Variants in MCTP1 observed in about 807,000 individuals in gnomAD.
The protein encoded by MCTP1 is multiple C2 and transmembrane domain-containing protein 1.
Under a neutral mutation model 120.6 loss-of-function variants are expected in MCTP1, and 69 were observed. The observed-to-expected ratio is 0.57, with a 90% confidence interval of 0.47 to 0.70. The LOEUF (loss-of-function observed/expected upper bound fraction) is 0.70. Among genes scored for constraint, MCTP1 ranks in the 30% least tolerant of loss-of-function variants. The pLI, the probability that MCTP1 is intolerant of heterozygous loss-of-function variation, is 0.00. For missense variants in MCTP1, 1,203 were observed against 1,248.8 expected (o/e 0.96, Z 0.55); for synonymous variants, 529 against 493.1 (o/e 1.07, Z -0.96).
intron 1 of MCTP1, among the ~76,000 whole-genome samples, chr5:95,134,978 T>C (rs1759324448): frequency 8.1e-6 from 1 of 123,600 alleles, no homozygotes; most frequent in Non-Finnish European, 1.6e-5. Flanking sequence ...CTCGATTTAC[T>C]GTTGCCTGAT....
At chr5:94,984,640 A>C (rs1014802122) in intron 2 of MCTP1, among the ~76,000 whole-genome samples, 2 of 152,160 alleles carry the variant, frequency 1.3e-5, no homozygotes, top group Non-Finnish European at 2.9e-5. Context: ...GGATGACAAA[A>C]AAGTAAAACA....
chr5:94,720,048 C>T (rs1263635449), intron 19 of MCTP1, among the ~76,000 whole-genome samples: 3 of 152,034 alleles, frequency 2.0e-5, no homozygotes, highest in East Asian at 3.9e-4. Flanking sequence ...ATCGCTTGAA[C>T]CTGGGAGGCA....
chr5:95,116,401 G>C lies in MCTP1; in HGVS notation c.721-98917C>G, dbSNP rs1396573965. 1.1e-4 allele frequency among the ~76,000 whole-genome samples: 17 copies of C among 152,252 alleles called. No homozygotes were observed. In the East Asian group the frequency reaches 2.9e-3, roughly 26 times the overall value. Reference sequence around the variant, plus strand: ...GGAAACAACAAAAGGTTAAGAGTTGGAGGAAGCAGTACCATGCTGTTCTGG... The same window carrying C: ...GGAAACAACAAAAGGTTAAGAGTTGCAGGAAGCAGTACCATGCTGTTCTGG... On this transcript the variant is annotated intron_variant, in intron 1 of 22. Transcript: ENST00000515393.
intron 2 of MCTP1, among the ~76,000 whole-genome samples, chr5:95,005,917 C>T (rs2153645812): frequency 6.6e-6 from 1 of 152,234 alleles, no homozygotes; most frequent in South Asian, 2.1e-4. Flanking sequence ...GAGCCCATCC[C>T]TGCAGCTCAG....
At chr5:95,094,428 A>G (rs1348287383) in intron 1 of MCTP1, among the ~76,000 whole-genome samples, 2 of 152,248 alleles carry the variant, frequency 1.3e-5, no homozygotes, top group African/African-American at 4.8e-5. Context: ...TGGAACTGTA[A>G]TAGGATCTAT....
At chr5:95,066,486 T>C (rs1449837057) in intron 1 of MCTP1, among the ~76,000 whole-genome samples, 1 of 152,188 alleles carries the variant, frequency 6.6e-6, no homozygotes, top group Non-Finnish European at 1.5e-5. Context: ...GATCCAGCAA[T>C]CTCACTACTG....
chr5:94,717,588 G>A (rs1044343381), intron 19 of MCTP1, among the ~76,000 whole-genome samples: 3 of 152,122 alleles, frequency 2.0e-5, no homozygotes, highest in African/African-American at 4.8e-5. Context: ...AACTGTTTCT[G>A]TTTGCAGATG....
intron 1 of MCTP1, among the ~76,000 whole-genome samples, chr5:95,176,393 C>T (rs1747982588): frequency 6.6e-6 from 1 of 151,912 alleles, no homozygotes; most frequent in Non-Finnish European, 1.5e-5. Flanking sequence ...GGTGTGATGG[C>T]ACACACCTGT....
At chr5:95,140,194 T>G (rs1481561247) in intron 1 of MCTP1, among the ~76,000 whole-genome samples, 1 of 152,174 alleles carries the variant, frequency 6.6e-6, no homozygotes, top group African/African-American at 2.4e-5. Flanking sequence ...TTCAAAAAAA[T>G]TTATATTTGC....
intron 3 of MCTP1, among the ~76,000 whole-genome samples, chr5:94,947,786 A>ATT (rs70978144): frequency 2.9e-5 from 4 of 138,972 alleles, no homozygotes; most frequent in Admixed American, 7.3e-5. Context: ...TGGCTTTAAA[A>ATT]TTTTTTTTTT....
At chr5:94,742,151 A>G (rs186238246) in intron 19 of MCTP1, among the ~76,000 whole-genome samples, 1 of 152,286 alleles carries the variant, frequency 6.6e-6, no homozygotes, top group Admixed American at 6.5e-5. Flanking sequence ...TGATGCTCGA[A>G]CCCATCTACT....
chr5:95,142,701 G>A (rs1430470419), intron 1 of MCTP1, among the ~76,000 whole-genome samples: 3 of 151,982 alleles, frequency 2.0e-5, no homozygotes, highest in Non-Finnish European at 2.9e-5. Context: ...ACCATCTACG[G>A]GAATAGAATC....
At chr5:94,752,163 A>G (rs1768620641) in intron 19 of MCTP1, among the ~76,000 whole-genome samples, 1 of 134,672 alleles carries the variant, frequency 7.4e-6, no homozygotes, top group South Asian at 2.5e-4. Context: ...TAGCTTCCTC[A>G]GGTAGGTGAA....
chr5:95,071,107 G>C (rs145339923), intron 1 of MCTP1, among the ~76,000 whole-genome samples: 8 of 152,292 alleles, frequency 5.3e-5, no homozygotes, highest in Non-Finnish European at 1.0e-4. Flanking sequence ...AAGCACATCT[G>C]AGCAGCAATT....
chr5:94,802,436 C>T (rs1304119431), intron 17 of MCTP1, among the ~76,000 whole-genome samples: 2 of 152,132 alleles, frequency 1.3e-5, no homozygotes, highest in African/African-American at 2.4e-5. Flanking sequence ...TGGTGAGGCT[C>T]CTCTAATAAA....
At chr5:94,977,984 G>T (rs7731439) in intron 2 of MCTP1, among the ~76,000 whole-genome samples, 42,299 of 151,910 alleles carry the variant, frequency 0.28, 5,994 homozygotes, top group South Asian at 0.36. Context: ...CAGATAAGGG[G>T]TTAGTTTCCA....
intron 1 of MCTP1, among the ~76,000 whole-genome samples, chr5:95,103,749 TCAAA>T (rs1306418501): frequency 1.3e-5 from 2 of 152,174 alleles, no homozygotes; most frequent in African/African-American, 2.4e-5. Flanking sequence ...CCAGGTGCTC[TCAAA>T]CAGTTTCCAT....
chr5:94,922,383 A>T (rs1811880259), intron 7 of MCTP1, among the ~76,000 whole-genome samples: 1 of 152,220 alleles, frequency 6.6e-6, no homozygotes, highest in Non-Finnish European at 1.5e-5. Flanking sequence ...CCCTGGTGAC[A>T]AATCTTCATT....
chr5:94,897,488 C>T (rs900260897), intron 10 of MCTP1, among the ~76,000 whole-genome samples: 1 of 152,158 alleles, frequency 6.6e-6, no homozygotes, highest in Admixed American at 6.5e-5. Flanking sequence ...TCCCAAATAA[C>T]TGGGATTACA....
Sources: allele counts gnomAD v4.1 joint callset (sites outside exome capture counted in the v4.1 genomes callset), GRCh38; gene constraint gnomAD v4.1.1; transcripts MANE v1.5; gene names NCBI Gene and HGNC (gene_info 2026-07-23, HGNC 2026-07-21).